GRM5: variants seen among roughly 807,000 people sequenced by gnomAD.
The protein encoded by GRM5 is metabotropic glutamate receptor 5.
GRM5 carries 19 observed loss-of-function variants against 83.1 expected under a neutral mutation model. The ratio of observed to expected loss-of-function variants is 0.23; its 90% confidence interval spans 0.16 to 0.34. The LOEUF (loss-of-function observed/expected upper bound fraction) is 0.34. GRM5 is among the 10% of genes least tolerant of loss of function. The probability of loss-of-function intolerance (pLI) is 1.00; values close to 1 mark genes in which losing one functional copy is unlikely to be tolerated. For missense variants in GRM5, 1,160 were observed against 1,588.3 expected (o/e 0.73, Z 4.58); for synonymous variants, 675 against 633.6 (o/e 1.07, Z -0.98).
intron 3 of GRM5, among the ~76,000 whole-genome samples, chr11:88,656,835 G>A (rs1390338352): frequency 6.6e-6 from 1 of 152,046 alleles, no homozygotes; most frequent in Non-Finnish European, 1.5e-5. Context: ...TAACATGTAT[G>A]TTATATTAGG....
intron 2 of GRM5, among the ~76,000 whole-genome samples, chr11:88,854,853 T>A (rs1269541937): frequency 2.6e-5 from 4 of 151,962 alleles, no homozygotes; most frequent in Non-Finnish European, 5.9e-5. Context: ...TTATTTGAAC[T>A]GTATATTAAA....
intron 7 of GRM5, among the ~76,000 whole-genome samples, chr11:88,569,072 A>G (rs915781223): frequency 6.6e-6 from 1 of 152,208 alleles, no homozygotes; most frequent in Non-Finnish European, 1.5e-5. Context: ...ACACACTAGA[A>G]TCACCAAGAC....
intron 2 of GRM5, among the ~76,000 whole-genome samples, chr11:88,907,942 T>A (rs1836416543): frequency 6.6e-6 from 1 of 152,168 alleles, no homozygotes; most frequent in Non-Finnish European, 1.5e-5. Context: ...ATTTATATAA[T>A]TTGCGTGTAA....
Position 88,509,216 on chromosome 11 carries a change from C to T in GRM5, c.3015G>A (p.Glu1005=). The T allele has an allele frequency of 6.5e-7, 1 of 1,532,226 alleles. No homozygotes were observed. Among genetic ancestry groups the T allele is most frequent in the Non-Finnish European group, 8.8e-7 (1 of 1,141,704 alleles). The allele number at this position is 1,532,226 out of a possible 1,614,324, so 94.9% of individuals were successfully genotyped here. ...CGGGCGCCGGGAAGTGCTCCTCAGC[C>T]TCGGCCACATCATACAGCGCCTTGG... is the stretch of plus-strand genomic sequence containing the variant. The part of the protein sequence containing the change: ...AGPKALYDVA[E]AEEHFPAPAR... Residue 1005 remains glutamate, a synonymous_variant, in exon 10 of 10, where the codon GAG becomes GAA. Transcript: ENST00000305447.
At chr11:88,836,597 A>G (rs1433678731) in intron 3 of GRM5, among the ~76,000 whole-genome samples, 1 of 152,088 alleles carries the variant, frequency 6.6e-6, no homozygotes, top group Non-Finnish European at 1.5e-5. Flanking sequence ...TTTGAGACCA[A>G]CGTGGCCAAG....
intron 2 of GRM5, among the ~76,000 whole-genome samples, chr11:88,896,443 A>T (rs1360582061): frequency 6.6e-6 from 1 of 151,940 alleles, no homozygotes; most frequent in African/African-American, 2.4e-5. Flanking sequence ...GTGGGAAATG[A>T]GAGTATTTTA....
chr11:88,662,125 G>A (rs1939922734), intron 3 of GRM5, among the ~76,000 whole-genome samples: 1 of 152,100 alleles, frequency 6.6e-6, no homozygotes. Flanking sequence ...TCCACTGTAT[G>A]ACTTTTTCTA....
intron 3 of GRM5, among the ~76,000 whole-genome samples, chr11:88,769,748 G>A (rs1317833518): frequency 6.6e-6 from 1 of 152,044 alleles, no homozygotes; most frequent in Non-Finnish European, 1.5e-5. Context: ...CCAGACTGAT[G>A]TGAATAAAAA....
At chr11:88,759,164 C>A (rs1309612604) in intron 3 of GRM5, among the ~76,000 whole-genome samples, 1 of 151,822 alleles carries the variant, frequency 6.6e-6, no homozygotes, top group Non-Finnish European at 1.5e-5. Flanking sequence ...TATAAAGCAA[C>A]CAAACAAGTC....
At chr11:88,786,138 T>C (rs996535383) in intron 3 of GRM5, among the ~76,000 whole-genome samples, 5 of 152,116 alleles carry the variant, frequency 3.3e-5, no homozygotes, top group African/African-American at 1.2e-4. Flanking sequence ...AGAATTGTGA[T>C]CTGAGAAATA....
intron 2 of GRM5, among the ~76,000 whole-genome samples, chr11:89,017,408 T>C (rs1940884876): frequency 6.6e-6 from 1 of 152,172 alleles, no homozygotes; most frequent in Non-Finnish European, 1.5e-5. Context: ...TGTACAGAAA[T>C]TGAAAGCTGG....
chr11:88,847,806 C>A (rs552174535), intron 3 of GRM5, among the ~76,000 whole-genome samples: 1 of 152,150 alleles, frequency 6.6e-6, no homozygotes, highest in African/African-American at 2.4e-5. Context: ...GGAAAGAACT[C>A]TATGTTTATC....
At position 88,508,950 on chromosome 11, in the gene GRM5, C is replaced by T. The variant is rs1232584134; in HGVS notation, c.3281G>A (p.Cys1094Tyr). ...CTCTTTGGGGATCAGGTAGGACGAGCAGAGCGGGGCGCCGACGCCGGGGCT... is the reference window on the plus strand; with the variant it reads ...CTCTTTGGGGATCAGGTAGGACGAGTAGAGCGGGGCGCCGACGCCGGGGCT... Reference protein sequence around the residue: ...APSPGVGAPLCSSYLIPKEIQ... With the variant: ...APSPGVGAPLYSSYLIPKEIQ... Residue 1094 changes from cysteine to tyrosine, a missense_variant, in exon 10 of 10, where the codon TGC becomes TAC. Physicochemically the swap from Cys to Tyr is radical, Grantham distance 194. Around this residue, in one of 9 missense-constraint regions of GRM5, gnomAD observed 562 missense variants for 532.4 expected, o/e 1.06. Coordinates refer to ENST00000305447, the MANE Select transcript of GRM5 (RefSeq NM_001143831.3). The surrounding 1 kb of genome is among the most constrained non-coding windows in gnomAD (Gnocchi z 4.2). 1 of 1,594,358 alleles carries T rather than the reference C, an allele frequency of 6.3e-7. No individual in the cohort carries two copies. The highest frequency in any genetic ancestry group is 1.1e-5 in the South Asian group (1 of 87,550).
chr11:89,006,199 A>G (rs1193641201), intron 2 of GRM5, among the ~76,000 whole-genome samples: 5 of 152,246 alleles, frequency 3.3e-5, no homozygotes, highest in Admixed American at 3.3e-4. Context: ...TGGCTATGCC[A>G]TATACTGCCA....
chr11:88,735,138 G>A (rs367717373), intron 3 of GRM5, among the ~76,000 whole-genome samples: 7 of 151,898 alleles, frequency 4.6e-5, no homozygotes, highest in East Asian at 1.9e-4. Context: ...TATATAACTC[G>A]AAGAAATACA....
At chr11:88,672,302 A>G (rs1235287750) in intron 3 of GRM5, among the ~76,000 whole-genome samples, 1 of 152,032 alleles carries the variant, frequency 6.6e-6, no homozygotes, top group African/African-American at 2.4e-5. Context: ...TTTATTAAGT[A>G]TCTACTATGT....
intron 3 of GRM5, among the ~76,000 whole-genome samples, chr11:88,845,325 T>TTC (rs1944280184): frequency 6.6e-6 from 1 of 152,024 alleles, no homozygotes; most frequent in Admixed American, 6.6e-5. Flanking sequence ...CACTTGCTTT[T>TTC]TTTTTTTAGC....
intron 8 of GRM5, among the ~76,000 whole-genome samples, chr11:88,527,352 CTCTT>C (rs915787117): frequency 2.0e-5 from 3 of 152,042 alleles, no homozygotes; most frequent in Non-Finnish European, 4.4e-5. Context: ...ATAAGCTCTT[CTCTT>C]TCTTTCTTTC....
chr11:88,925,008 C>T (rs957378844), intron 2 of GRM5, among the ~76,000 whole-genome samples: 3 of 151,904 alleles, frequency 2.0e-5, no homozygotes, highest in Non-Finnish European at 4.4e-5. Flanking sequence ...AGATGTTTTA[C>T]TTCAGCTAGG....
Sources: gnomAD v4.1 joint callset for allele counts (sites outside exome capture counted in the v4.1 genomes callset) on GRCh38, gnomAD v4.1.1 for gene constraint, gnomAD v4.1.1 regional missense constraint, Gnocchi (gnomAD v3.1) non-coding constraint, MANE v1.5 for transcripts, NCBI Gene and HGNC (gene_info 2026-07-23, HGNC 2026-07-21) for gene names.